Variants in ZNF138 observed in about 807,000 individuals in gnomAD.
ZNF138 encodes zinc finger protein 138.
Under a neutral mutation model 33.0 loss-of-function variants are expected in ZNF138, and 33 were observed. That is an observed-to-expected ratio of 1.00 (90% CI 0.76 to 1.34). The LOEUF (loss-of-function observed/expected upper bound fraction) is 1.34. Ranked by LOEUF, ZNF138 falls within the 40% of genes most tolerant of loss-of-function variation. The probability of loss-of-function intolerance (pLI) is 0.00; values close to 1 mark genes in which losing one functional copy is unlikely to be tolerated. For missense variants in ZNF138, 360 were observed against 370.8 expected (o/e 0.97, Z 0.24); for synonymous variants, 139 against 120.4 (o/e 1.15, Z -1.01).
intron 3 of ZNF138, among the ~76,000 whole-genome samples, chr7:64,828,158 A>G (rs1789793829): frequency 7.1e-6 from 1 of 141,374 alleles, no homozygotes; most frequent in Non-Finnish European, 1.5e-5. Context: ...ATTTGAAGAT[A>G]ATTTAAAAAC....
downstream of ZNF138, chr7:64,835,273 G>A (rs896162702): frequency 4.6e-5 from 7 of 152,180 alleles, no homozygotes; most frequent in South Asian, 2.1e-4. Flanking sequence ...AAGGGGCGAC[G>A]AAATCATCTG....
intron 1 of ZNF138, among the ~76,000 whole-genome samples, chr7:64,799,250 T>A (rs1786950433): frequency 1.3e-5 from 2 of 152,000 alleles, no homozygotes; most frequent in Admixed American, 6.6e-5. Flanking sequence ...CACCGCAACC[T>A]CTGCCTCTGG....
intron 1 of ZNF138, among the ~76,000 whole-genome samples, chr7:64,799,315 C>T (rs1008485975): frequency 2.6e-5 from 4 of 151,848 alleles, no homozygotes; most frequent in Middle Eastern, 3.4e-3. Flanking sequence ...TACAGACATG[C>T]GCCACCACGC....
At chr7:64,846,164 G>T in the ZNF138 span, among the ~76,000 whole-genome samples, 1 of 152,158 alleles carries the variant, frequency 6.6e-6, no homozygotes, top group East Asian at 1.9e-4. Flanking sequence ...GGTGACTGTG[G>T]CCTTATAGTA....
intron 3 of ZNF138, among the ~76,000 whole-genome samples, chr7:64,822,930 G>C (rs1013761970): frequency 6.6e-6 from 1 of 151,884 alleles, no homozygotes; most frequent in African/African-American, 2.4e-5. Flanking sequence ...GCCCAGGCTA[G>C]AGTGTAATGG....
the ZNF138 span, among the ~76,000 whole-genome samples, chr7:64,850,177 A>C: frequency 6.6e-6 from 1 of 152,238 alleles, no homozygotes; most frequent in Non-Finnish European, 1.5e-5. Context: ...ACTCAGCTCC[A>C]GGTAAAGTCA....
At chr7:64,827,427 GT>G (rs1189244168) in intron 3 of ZNF138, among the ~76,000 whole-genome samples, 2 of 151,640 alleles carry the variant, frequency 1.3e-5, no homozygotes, top group Admixed American at 6.6e-5. Flanking sequence ...TGTATTTTTA[GT>G]AGAGACAGGG....
chr7:64,853,111 A>T, the ZNF138 span: 1 of 1,431,958 alleles, frequency 7.0e-7, no homozygotes, highest in Non-Finnish European at 9.9e-7. Context: ...CTGTAGTTTG[A>T]ACCAAGGAAA....
the ZNF138 span, among the ~76,000 whole-genome samples, chr7:64,838,772 T>C: frequency 0.99 from 149,970 of 152,188 alleles, 73,932 homozygotes; most frequent in East Asian, 1. Context: ...GGGGGTAAGA[T>C]GGAAGCCAAG....
intron 1 of ZNF138, among the ~76,000 whole-genome samples, chr7:64,794,880 C>T (rs1443050978): frequency 6.6e-6 from 1 of 152,156 alleles, no homozygotes; most frequent in Admixed American, 6.5e-5. Flanking sequence ...AGAATCCTGA[C>T]TCGGGGTGCT....
intron 1 of ZNF138, among the ~76,000 whole-genome samples, chr7:64,800,198 TG>T (rs1457994240): frequency 6.6e-6 from 1 of 152,204 alleles, no homozygotes; most frequent in African/African-American, 2.4e-5. Context: ...GTCTCTTGCC[TG>T]ATTAACTGTG....
intron 1 of ZNF138, among the ~76,000 whole-genome samples, chr7:64,803,328 C>T (rs1388189251): frequency 7.0e-6 from 1 of 142,948 alleles, no homozygotes; most frequent in Non-Finnish European, 1.5e-5. Flanking sequence ...GATTAAAGCT[C>T]ATTTTAAGAG....
the ZNF138 span, among the ~76,000 whole-genome samples, chr7:64,850,488 G>A: frequency 6.6e-6 from 1 of 152,320 alleles, no homozygotes; most frequent in South Asian, 2.1e-4. Context: ...CAGAAAAGGG[G>A]TTTTTAAATT....
chr7:64,809,194 GCAGC>G (rs1562895952), intron 1 of ZNF138, among the ~76,000 whole-genome samples: 1 of 41,644 alleles, frequency 2.4e-5, no homozygotes, highest in African/African-American at 8.9e-5. Flanking sequence ...CCCGGGTGGG[GCAGC>G]TGGCCGGGCG....
At chr7:64,836,163 G>C (rs959991108), downstream of ZNF138, 3 of 152,184 alleles carry the variant, frequency 2.0e-5, no homozygotes, top group African/African-American at 4.8e-5. Context: ...TAGGGTCTGA[G>C]AATAGTGGGA....
intron 3 of ZNF138, among the ~76,000 whole-genome samples, chr7:64,824,701 G>A (rs1251351640): frequency 6.6e-6 from 1 of 152,078 alleles, no homozygotes; most frequent in Non-Finnish European, 1.5e-5. Context: ...ACCCATTTTA[G>A]TATTACATAA....
At chr7:64,814,021 T>G (rs1257408441) in intron 1 of ZNF138, 5 of 1,186,180 alleles carry the variant, frequency 4.2e-6, no homozygotes, top group Non-Finnish European at 5.3e-6. Context: ...TGCATATATC[T>G]GTCTTTGGAA....
chr7:64,842,914 A>G, the ZNF138 span, among the ~76,000 whole-genome samples: 1 of 152,200 alleles, frequency 6.6e-6, no homozygotes, highest in Non-Finnish European at 1.5e-5. Context: ...TGTACAAAAC[A>G]ATCTCTTGAA....
the ZNF138 span, among the ~76,000 whole-genome samples, chr7:64,845,872 T>G: frequency 2.0e-5 from 3 of 152,208 alleles, no homozygotes; most frequent in Non-Finnish European, 2.9e-5. Flanking sequence ...CTCTGGGTTT[T>G]TGTTTATAGT....
Sources: allele counts gnomAD v4.1 joint callset (sites outside exome capture counted in the v4.1 genomes callset), GRCh38; gene constraint gnomAD v4.1.1; transcripts MANE v1.5; gene names NCBI Gene and HGNC (gene_info 2026-07-23, HGNC 2026-07-21).